The following PDGFD variants were observed in gnomAD, a reference collection of about 807,000 sequenced individuals.
PDGFD encodes the protein platelet-derived growth factor D.
A neutral mutation model predicts 44.7 loss-of-function variants in PDGFD; 30 were observed. The ratio of observed to expected loss-of-function variants is 0.67; its 90% CI spans 0.50 to 0.91. The LOEUF is 0.91. Among genes scored for constraint, PDGFD ranks in the 40% least tolerant of loss-of-function variants. The pLI, the probability that PDGFD is intolerant of heterozygous loss-of-function variation, is 0.00. For missense variants in PDGFD, 445 were observed against 457.8 expected (o/e 0.97, Z 0.25); for synonymous variants, 173 against 168.4 (o/e 1.03, Z -0.21).
chr11:104,035,471 G>A (rs1471710612), intron 1 of PDGFD, among the ~76,000 whole-genome samples: 1 of 150,420 alleles, frequency 6.6e-6, no homozygotes, highest in Non-Finnish European at 1.5e-5. Context: ...TGTGTTGCAA[G>A]AAGCCTCTTC....
At chr11:104,043,976 C>A (rs1366454674) in intron 1 of PDGFD, among the ~76,000 whole-genome samples, 1 of 152,186 alleles carries the variant, frequency 6.6e-6, no homozygotes, top group African/African-American at 2.4e-5. Flanking sequence ...ACAAATACTT[C>A]TCTTATAAAG....
At position 103,972,457 on chromosome 11, in the gene PDGFD, T is replaced by G. The variant is rs138268367; in HGVS notation, c.510+23608A>C. On this transcript the variant is annotated intron_variant, in intron 3 of 6. Transcript: ENST00000393158. ...CTTTTTATTCTTCCTCTTTTTCATC[T>G]CCAGCATTCTATGGAGAAGGCAGCT... Among the ~76,000 whole-genome samples, 847 of 152,244 alleles carry G rather than the reference T, an allele frequency of 5.6e-3. 8 individuals are homozygous for G. The highest frequency in any genetic ancestry group is 0.01 in the Middle Eastern group (3 of 294).
chr11:103,934,213 CTTG>C (rs1202180796), intron 5 of PDGFD, among the ~76,000 whole-genome samples: 3 of 152,292 alleles, frequency 2.0e-5, no homozygotes, highest in Non-Finnish European at 2.9e-5. Context: ...TGCCAAGGAA[CTTG>C]TTAAGATTAA....
At position 104,074,716 on chromosome 11, in the gene PDGFD, CCAGAGAGATTATCCA is replaced by C. The variant is rs574035540; in HGVS notation, c.125-74476_125-74462del. Among the ~76,000 whole-genome samples the C allele has an allele frequency of 2.7e-3, 407 of 152,144 alleles. 1 individual carries two copies. The highest frequency in any genetic ancestry group is 5.0e-3 in the Non-Finnish European group (342 of 68,004). On this transcript the variant is annotated intron_variant, in intron 1 of 6. Coordinates refer to ENST00000393158, the MANE Select transcript of PDGFD (RefSeq NM_025208.5). ...AATCACACTCAGTGAAAAAGTAAGT[CCAGAGAGATTATCCA>C]CAGTGTGATACCCATTTTATACACA...
intron 1 of PDGFD, among the ~76,000 whole-genome samples, chr11:104,021,555 C>T (rs530410052): frequency 6.6e-6 from 1 of 152,126 alleles, no homozygotes; most frequent in Non-Finnish European, 1.5e-5. Context: ...TATGCTTCTG[C>T]TGCTGCCATG....
At chr11:103,972,531 T>C (rs1859119044) in intron 3 of PDGFD, among the ~76,000 whole-genome samples, 1 of 152,166 alleles carries the variant, frequency 6.6e-6, no homozygotes, top group Non-Finnish European at 1.5e-5. Context: ...AGCCAGTCAC[T>C]ATCCTGGCTT....
intron 6 of PDGFD, among the ~76,000 whole-genome samples, chr11:103,916,252 A>T (rs992684742): frequency 5.9e-5 from 9 of 152,226 alleles, no homozygotes; most frequent in Admixed American, 5.2e-4. Flanking sequence ...CAAGAAAAAA[A>T]CAACCCCGTC....
chr11:104,107,465 G>GTT, intron 1 of PDGFD, among the ~76,000 whole-genome samples: 2 of 152,296 alleles, frequency 1.3e-5, no homozygotes, highest in Middle Eastern at 3.4e-3. Flanking sequence ...CAGAATTTGA[G>GTT]TAGAAGACCC....
chr11:103,926,539 G>T lies in PDGFD; in HGVS notation c.987+373C>A, dbSNP rs112768340. Among the ~76,000 whole-genome samples the T allele has an allele frequency of 8.7e-3, 1,326 of 152,218 alleles. 20 individuals are homozygous for T. The highest frequency in any genetic ancestry group is 0.03 in the African/African-American group (1,266 of 41,530). ...AATGATATAATTGAATTAAGGTTTT[G>T]CTTATGAGATTGTGCCGTCATATCC... On this transcript the variant is annotated intron_variant, in intron 6 of 6. Transcript: ENST00000393158.
At chr11:104,139,407 G>A (rs1862052562) in intron 1 of PDGFD, among the ~76,000 whole-genome samples, 1 of 152,134 alleles carries the variant, frequency 6.6e-6, no homozygotes, top group Non-Finnish European at 1.5e-5. Context: ...AATGGGAAAA[G>A]CTGAGCACTA....
intron 1 of PDGFD, among the ~76,000 whole-genome samples, chr11:104,016,411 A>C (rs572149284): frequency 1.3e-5 from 2 of 152,224 alleles, no homozygotes; most frequent in South Asian, 4.1e-4. Context: ...AGCCTTTCTC[A>C]AATCCCCAAG....
chr11:104,061,223 T>A (rs748804137), intron 1 of PDGFD, among the ~76,000 whole-genome samples: 3 of 58,120 alleles, frequency 5.2e-5, no homozygotes, highest in Non-Finnish European at 1.0e-4. Context: ...TTTATGACAC[T>A]AAGTAAGAAA....
At chr11:104,119,144 A>ATAAT (rs1565340564) in intron 1 of PDGFD, among the ~76,000 whole-genome samples, 18 of 11,508 alleles carry the variant, frequency 1.6e-3, no homozygotes, top group East Asian at 2.9e-3. Context: ...ATAATATATT[A>ATAAT]ATATAATATA....
chr11:104,046,180 A>G (rs1387261382), intron 1 of PDGFD, among the ~76,000 whole-genome samples: 1 of 147,776 alleles, frequency 6.8e-6, no homozygotes, highest in African/African-American at 2.5e-5. Flanking sequence ...AAGGGAAAGG[A>G]GCACAAAGAA....
intron 1 of PDGFD, among the ~76,000 whole-genome samples, chr11:104,150,482 T>A (rs932088625): frequency 2.6e-5 from 4 of 152,324 alleles, no homozygotes; most frequent in Middle Eastern, 6.8e-3. Flanking sequence ...AGACCCTCTA[T>A]TAGTTTCCTG....
chr11:104,102,357 G>T (rs75829434), intron 1 of PDGFD, among the ~76,000 whole-genome samples: 81,591 of 151,874 alleles, frequency 0.54, 23,247 homozygotes, highest in East Asian at 0.73. Flanking sequence ...TCAGAGAAAT[G>T]CAAATCAAAA....
At chr11:104,111,367 A>T (rs1053012403) in intron 1 of PDGFD, among the ~76,000 whole-genome samples, 2 of 148,324 alleles carry the variant, frequency 1.3e-5, no homozygotes, top group Non-Finnish European at 3.0e-5. Flanking sequence ...GGCTCAAGTG[A>T]TCCTCCCAAC....
In PDGFD at chr11:103,983,582, A is replaced by G. The variant is rs1206943486; in HGVS notation, c.510+12483T>C. On this transcript the variant is annotated intron_variant, in intron 3 of 6. Coordinates refer to ENST00000393158, the MANE Select transcript of PDGFD (RefSeq NM_025208.5). ...ACATTGGCAAATGGGATTTAATAAAACTAAAGAGCTTCTGCACAGCAAAAG... is the reference window on the plus strand; with the variant it reads ...ACATTGGCAAATGGGATTTAATAAAGCTAAAGAGCTTCTGCACAGCAAAAG... Among the ~76,000 whole-genome samples the G allele has an allele frequency of 1.3e-4, 20 of 152,006 alleles. No individual in the cohort carries two copies. The East Asian group carries it at 3.9e-3, about 29-fold the overall frequency.
chr11:103,957,690 A>G (rs1858875022), intron 3 of PDGFD, among the ~76,000 whole-genome samples: 1 of 152,158 alleles, frequency 6.6e-6, no homozygotes, highest in African/African-American at 2.4e-5. Flanking sequence ...ATAGTAAGTA[A>G]AGATTAGAGC....
Sources: gnomAD v4.1 joint callset for allele counts (sites outside exome capture counted in the v4.1 genomes callset) on GRCh38, gnomAD v4.1.1 for gene constraint, MANE v1.5 for transcripts, NCBI Gene and HGNC (gene_info 2026-07-23, HGNC 2026-07-21) for gene names.